DOC2A: variants seen among roughly 807,000 people sequenced by gnomAD.
DOC2A encodes the protein double C2-like domain-containing protein alpha.
A neutral mutation model predicts 40.6 loss-of-function variants in DOC2A; 28 were observed. That is an observed-to-expected ratio of 0.69 (90% CI 0.51 to 0.95). The LOEUF is 0.95. Among genes scored for constraint, DOC2A ranks in the 40% least tolerant of loss-of-function variants. The pLI is 0.00. For missense variants in DOC2A, 474 were observed against 552.5 expected (o/e 0.86, Z 1.42); for synonymous variants, 241 against 236.9 (o/e 1.02, Z -0.16).
upstream of DOC2A, chr16:30,011,581 G>A (rs1459922468): frequency 1.4e-5 from 3 of 207,202 alleles, no homozygotes; most frequent in Admixed American, 6.5e-5. Flanking sequence ...TCCCCCGCAG[G>A]GAGCTGGGGC....
chr16:30,011,217 G>T (rs1227233411), upstream of DOC2A: 3 of 726,496 alleles, frequency 4.1e-6, no homozygotes, highest in Non-Finnish European at 1.7e-6. Flanking sequence ...CACGCGGACC[G>T]GCACACACTC....
chr16:30,005,874 G>A lies in DOC2A; in HGVS notation c.*312C>T. The A allele has an allele frequency of 2.0e-6, 1 of 495,354 alleles. No individual in the cohort carries two copies. The allele number at this position is 495,354 out of a possible 1,614,324, so 30.7% of individuals were successfully genotyped here. ...GACCTCCTCCCTGTTGGGGGAGAGG[G>A]ACGGGGCAGCGTGGAGAGGCAGGAG... On this transcript the variant is annotated 3_prime_UTR_variant, in exon 11 of 11. Transcript: ENST00000350119.
upstream of DOC2A, among the ~76,000 whole-genome samples, chr16:30,022,087 A>T (rs547079918): frequency 9.9e-5 from 15 of 151,690 alleles, no homozygotes; most frequent in Non-Finnish European, 1.9e-4. Context: ...CATCTCTACT[A>T]AAAGTACAAA....
chr16:30,014,254 G>A (rs1037052553), upstream of DOC2A, among the ~76,000 whole-genome samples: 2 of 148,018 alleles, frequency 1.4e-5, no homozygotes, highest in African/African-American at 2.5e-5. Flanking sequence ...CAATCCTCCC[G>A]CTTCGGCCTC....
At chr16:30,007,733 C>T (rs1449903096) in intron 5 of DOC2A, 2 of 265,754 alleles carry the variant, frequency 7.5e-6, no homozygotes, top group African/African-American at 4.4e-5. Context: ...CGCAGGGACT[C>T]ACTAAGAAAT....
At chr16:30,012,975 G>C (rs114571276), upstream of DOC2A, among the ~76,000 whole-genome samples, 2,865 of 151,762 alleles carry the variant, frequency 0.019, 90 homozygotes, top group African/African-American at 0.065. Flanking sequence ...TGGGCTGTAA[G>C]AGCAAAACTC....
rs2070728527 is a variant in DOC2A at position 30,009,928 on chromosome 16, C to T, written c.262+33G>A. The T allele has an allele frequency of 1.9e-6, 3 of 1,610,486 alleles. No individual in the cohort carries two copies. The highest frequency in any genetic ancestry group is 2.2e-5 in the East Asian group (1 of 44,860). Reference sequence around the variant, plus strand: ...CCACGGCAAGCCTGGAGACCCCCACCAGCACATGGGGCCTCCAAGCCCCCA... The same window carrying T: ...CCACGGCAAGCCTGGAGACCCCCACTAGCACATGGGGCCTCCAAGCCCCCA... On this transcript the variant is annotated intron_variant, in intron 2 of 10. Transcript: ENST00000350119. This position sits in a 1 kb window ranked among gnomAD's most constrained non-coding sequence, Gnocchi z 4.1.
upstream of DOC2A, chr16:30,011,265 C>A (rs1247081725): frequency 2.1e-6 from 2 of 952,600 alleles, no homozygotes; most frequent in East Asian, 1.2e-4. Context: ...CGCGCGCACA[C>A]GCCCGTGCCC....
upstream of DOC2A, chr16:30,012,680 T>TAA (rs35503706): frequency 4.3e-5 from 5 of 116,796 alleles, no homozygotes; most frequent in African/African-American, 1.3e-4. Context: ...CACAGTCTCT[T>TAA]AAAAAAAAAA....
upstream of DOC2A, chr16:30,011,488 G>A (rs1223207376): frequency 7.9e-6 from 7 of 882,408 alleles, no homozygotes; most frequent in African/African-American, 1.9e-5. Context: ...CCTCCCTCCC[G>A]GGTCCCCAAG....
intron 5 of DOC2A, chr16:30,008,711 G>C (rs753956160): frequency 4.2e-5 from 16 of 384,340 alleles, no homozygotes; most frequent in Non-Finnish European, 7.9e-5. Flanking sequence ...TCACCAAGTT[G>C]GCCAGGCTGG....
chr16:30,021,853 G>T (rs1403565024), upstream of DOC2A, among the ~76,000 whole-genome samples: 1 of 151,928 alleles, frequency 6.6e-6, no homozygotes, highest in Non-Finnish European at 1.5e-5. Context: ...GGATGCAAGG[G>T]GGAGCCTCAG....
chr16:30,009,470 G>A lies in DOC2A; in HGVS notation c.342+8C>T. The A allele has an allele frequency of 6.4e-7, 1 of 1,551,290 alleles. No individual in the cohort carries two copies. The highest frequency in any genetic ancestry group is 2.0e-5 in the Admixed American group (1 of 51,006). On this transcript the variant is annotated splice_region_variant and intron_variant, in intron 3 of 10. Transcript: ENST00000350119. The surrounding 1 kb of genome is among the most constrained non-coding windows in gnomAD (Gnocchi z 4.1). ...CGGGCCCGGGCTTGGGTGGCAGGGA[G>A]TGCCCACCTTGGCCCTGAGGATGCT... is the stretch of plus-strand genomic sequence containing the variant.
chr16:30,010,078 C>G lies in DOC2A; in HGVS notation c.145G>C (p.Gly49Arg). 6.2e-7 allele frequency: 1 copy of G among 1,611,560 alleles called. No homozygotes were observed. The highest frequency in any genetic ancestry group is 8.5e-7 in the Non-Finnish European group (1 of 1,178,898). ...ACCAGATGGGCGGGGGCCTCCCCGC[C>G]GCCCCCGCCGCCCCCTTCAGGTCCT... Reference protein sequence around the residue: ...GPGPEGGGGGGGEAPAHLVPL... With the variant: ...GPGPEGGGGGRGEAPAHLVPL... Residue 49 changes from glycine (G) to arginine (R), a missense_variant, in exon 2 of 11, where the codon GGC becomes CGC. Coordinates refer to ENST00000350119, the MANE Select transcript of DOC2A (RefSeq NM_003586.3). This position sits in a 1 kb window ranked among gnomAD's most constrained non-coding sequence, Gnocchi z 4.2.
chr16:30,011,088 G>A, upstream of DOC2A: 2 of 949,824 alleles, frequency 2.1e-6, no homozygotes, highest in Non-Finnish European at 2.5e-6. Context: ...GCGGGGGACG[G>A]GGAGGGGCGC....
upstream of DOC2A, chr16:30,013,478 A>ATC (rs2070817963): frequency 1.3e-5 from 2 of 149,948 alleles, no homozygotes; most frequent in Non-Finnish European, 3.0e-5. Context: ...TTCTTAGCCA[A>ATC]GATGGTCTCG....
chr16:30,022,175 A>C (rs1478711925), upstream of DOC2A, among the ~76,000 whole-genome samples: 1 of 125,696 alleles, frequency 8.0e-6, no homozygotes, highest in Non-Finnish European at 1.6e-5. Context: ...TGAACCCAGG[A>C]GGTGGAGGTT....
intron 1 of DOC2A, among the ~76,000 whole-genome samples, chr16:30,020,063 C>T (rs1337189324): frequency 2.0e-5 from 3 of 152,126 alleles, no homozygotes; most frequent in East Asian, 1.9e-4. Flanking sequence ...CGCATGCTAC[C>T]GCACCCGGCT....
rs1483474004 is a variant in DOC2A at position 30,006,237 on chromosome 16, G to A, written c.1152C>T (p.His384=). 1 of 1,593,194 alleles carries A rather than the reference G, an allele frequency of 6.3e-7. No individual in the cohort carries two copies. The part of the protein sequence containing the change: ...QQPDAALERW[H]TLTSELPPAA... ...CAGGGGGCAGCTCACTGGTCAGGGTGTGCCAGCGCTCCAGGGCTGCGTCCG... is the reference window on the plus strand; with the variant it reads ...CAGGGGGCAGCTCACTGGTCAGGGTATGCCAGCGCTCCAGGGCTGCGTCCG... Residue 384 remains histidine (H), a synonymous_variant, in exon 11 of 11, where the codon CAC becomes CAT. Coordinates refer to ENST00000350119, the MANE Select transcript of DOC2A (RefSeq NM_003586.3). This position sits in a 1 kb window ranked among gnomAD's most constrained non-coding sequence, Gnocchi z 6.2.
Sources: allele counts gnomAD v4.1 joint callset (sites outside exome capture counted in the v4.1 genomes callset), GRCh38; gene constraint gnomAD v4.1.1; non-coding constraint Gnocchi (gnomAD v3.1); transcripts MANE v1.5; gene names NCBI Gene and HGNC (gene_info 2026-07-23, HGNC 2026-07-21).